RANBP9: variants seen among roughly 807,000 people sequenced by gnomAD.
RANBP9 encodes ran-binding protein 9.
RANBP9 carries 15 observed loss-of-function variants against 84.3 expected under a neutral mutation model. The ratio of observed to expected loss-of-function variants is 0.18; its 90% confidence interval spans 0.12 to 0.27. RANBP9 has a LOEUF of 0.27. Among genes scored for constraint, RANBP9 ranks in the 10% least tolerant of loss-of-function variants. RANBP9 has a pLI of 1.00. For missense variants in RANBP9, 809 were observed against 912.8 expected, an observed-to-expected ratio of 0.89 and a Z score of 1.46; for synonymous variants, 392 against 349.6, an observed-to-expected ratio of 1.12 and a Z score of -1.35.
chr6:13,632,580 C>T lies in RANBP9; in HGVS notation c.1796-59G>A, dbSNP rs141641776. ...TATGGAATGGAGTATAATGAGGACA[C>T]GAACATACATTTCTTATACCATTTT... On this transcript the variant is annotated intron_variant, in intron 11 of 13. Coordinates refer to ENST00000011619, the MANE Select transcript of RANBP9 (RefSeq NM_005493.3). The T allele has an allele frequency of 5.2e-5, 75 of 1,449,094 alleles. 1 individual carries two copies. The African/African-American group carries it at 5.8e-4, about 11-fold the overall frequency. 89.8% of individuals were successfully genotyped at this position (1,449,094 alleles called of 1,614,324 possible).
intron 6 of RANBP9, among the ~76,000 whole-genome samples, chr6:13,643,840 C>G (rs983732875): frequency 1.3e-5 from 2 of 152,098 alleles, no homozygotes; most frequent in Non-Finnish European, 2.9e-5. Flanking sequence ...GATAATAGCT[C>G]CAGGGACGAA....
chr6:13,625,630 G>T, intron 13 of RANBP9, 23 bp downstream of exon 13: 1 of 1,504,056 alleles, frequency 6.6e-7, no homozygotes, highest in Non-Finnish European at 9.2e-7. Flanking sequence ...AACTGAAATT[G>T]TGCCTTATTT....
chr6:13,677,242 C>T (rs1210858928), intron 2 of RANBP9, among the ~76,000 whole-genome samples: 1 of 152,032 alleles, frequency 6.6e-6, no homozygotes, highest in Non-Finnish European at 1.5e-5. Context: ...CACACAATAC[C>T]ACTTATATTA....
intron 2 of RANBP9, among the ~76,000 whole-genome samples, chr6:13,660,796 C>T (rs1293336731): frequency 1.3e-5 from 2 of 152,148 alleles, no homozygotes; most frequent in Non-Finnish European, 2.9e-5. Context: ...TAAGAAACAA[C>T]ACATAGATGT....
chr6:13,703,787 G>T (rs911193360), intron 1 of RANBP9, among the ~76,000 whole-genome samples: 5 of 152,334 alleles, frequency 3.3e-5, no homozygotes, highest in African/African-American at 1.2e-4. Context: ...ATTAAGACCA[G>T]TTAGAGTCCC....
In RANBP9 at chr6:13,642,515, C is replaced by T. The variant is rs756235885; in HGVS notation, c.1189G>A (p.Val397Ile). 5.0e-6 allele frequency: 8 copies of T among 1,607,452 alleles called. No homozygotes were observed. Among genetic ancestry groups the T allele is most frequent in the African/African-American group, 1.3e-5 (1 of 74,668 alleles). ...EAFARSTDQT[V>I]LEELASIKNR... Reference sequence around the variant, plus strand: ...TTAATGGAAGCTAATTCTTCTAGAACGGTCTGGTCTGTAGATCTGGCAAAG... The same window carrying T: ...TTAATGGAAGCTAATTCTTCTAGAATGGTCTGGTCTGTAGATCTGGCAAAG... Residue 397 changes from valine to isoleucine, a missense_variant, in exon 7 of 14, where the codon GTT becomes ATT. Coordinates refer to ENST00000011619, the MANE Select transcript of RANBP9 (RefSeq NM_005493.3).
intron 4 of RANBP9, among the ~76,000 whole-genome samples, chr6:13,655,199 C>T (rs149107346): frequency 2.3e-3 from 345 of 152,334 alleles, no homozygotes; most frequent in African/African-American, 7.9e-3. Flanking sequence ...AGGCTGGGCA[C>T]AGTGGCTCAC....
intron 8 of RANBP9, among the ~76,000 whole-genome samples, chr6:13,640,292 T>G (rs1020632623): frequency 6.6e-6 from 1 of 152,172 alleles, no homozygotes; most frequent in South Asian, 2.1e-4. Context: ...AACATCTCAT[T>G]TTTTAAGTAA....
At chr6:13,664,874 G>A (rs927800712) in intron 2 of RANBP9, among the ~76,000 whole-genome samples, 5 of 152,152 alleles carry the variant, frequency 3.3e-5, no homozygotes, top group Non-Finnish European at 7.4e-5. Flanking sequence ...CATAGCATGG[G>A]CTGAGTAATC....
intron 1 of RANBP9, among the ~76,000 whole-genome samples, chr6:13,709,235 G>A (rs1394709951): frequency 2.6e-5 from 4 of 152,058 alleles, no homozygotes; most frequent in Admixed American, 6.5e-5. Context: ...TAGACATCAC[G>A]GAAATTCAGA....
At chr6:13,634,791 G>GT (rs1411124620) in intron 10 of RANBP9, among the ~76,000 whole-genome samples, 1 of 152,180 alleles carries the variant, frequency 6.6e-6, no homozygotes, top group East Asian at 1.9e-4. Flanking sequence ...CTAAAATGTA[G>GT]TGGTTTTATG....
chr6:13,648,188 C>T (rs950569379), intron 5 of RANBP9, among the ~76,000 whole-genome samples: 30 of 141,798 alleles, frequency 2.1e-4, no homozygotes, highest in Non-Finnish European at 3.8e-4. Context: ...CTCACTCTGC[C>T]GCCCAGGCTG....
Position 13,694,169 on chromosome 6 carries a change from C to T in RANBP9, c.683+2616G>A, listed in dbSNP as rs140730861. Among the ~76,000 whole-genome samples, 797 of 152,296 alleles carry T rather than the reference C, an allele frequency of 5.2e-3. 4 individuals are homozygous for T. The highest frequency in any genetic ancestry group is 0.018 in the African/African-American group (752 of 41,540). ...TTAACTACAATCCAGCAATCCCACT[C>T]CTAGATACTTACTCGTGAAAAGAAA... On this transcript the variant is annotated intron_variant, in intron 2 of 13. Transcript: ENST00000011619.
chr6:13,627,806 C>G (rs540259005), intron 12 of RANBP9, among the ~76,000 whole-genome samples: 7 of 152,106 alleles, frequency 4.6e-5, no homozygotes, highest in Admixed American at 2.6e-4. Context: ...ACTTCAAGTA[C>G]AAAACTATAT....
rs781135864 is a variant in RANBP9 at position 13,681,408 on chromosome 6, A to G, written c.683+15377T>C. Among the ~76,000 whole-genome samples the G allele has an allele frequency of 6.1e-4, 93 of 152,184 alleles. 1 individual carries two copies. The highest frequency in any genetic ancestry group is 2.1e-4 in the Non-Finnish European group (14 of 68,026). On this transcript the variant is annotated intron_variant, in intron 2 of 13. Coordinates refer to ENST00000011619, the MANE Select transcript of RANBP9 (RefSeq NM_005493.3). ...AATGTATTTTACTGCACATTAATCA[A>G]TAATACATTTTAAGTGCAAAAAACC...
rs114586223 is a variant in RANBP9 at position 13,644,409 on chromosome 6, G to A, written c.1112+136C>T. On this transcript the variant is annotated intron_variant, in intron 6 of 13. Transcript: ENST00000011619. ...TGGAGTAAATTACTTTTCGTTGAGA[G>A]ATTAAAATCAATAATATAATAGATA... The A allele has an allele frequency of 1.2e-5, 10 of 827,306 alleles. No homozygotes were observed. The African/African-American group carries it at 1.6e-4, about 13-fold the overall frequency. The allele number at this position is 827,306 out of a possible 1,614,324, so 51.2% of individuals were successfully genotyped here. A position where few individuals can be genotyped will look rare whatever the true frequency, so the allele number is the denominator to read the frequency against.
chr6:13,708,864 CAA>C (rs1758200634), intron 1 of RANBP9, among the ~76,000 whole-genome samples: 1 of 151,082 alleles, frequency 6.6e-6, no homozygotes, highest in Admixed American at 6.6e-5. Context: ...AGTAACAAGA[CAA>C]GAGGAAGAGG....
At chr6:13,624,016 T>C (rs1035003944) in intron 13 of RANBP9, among the ~76,000 whole-genome samples, 2 of 152,206 alleles carry the variant, frequency 1.3e-5, no homozygotes, top group African/African-American at 4.8e-5. Flanking sequence ...ACATTTATAG[T>C]AAACCATAAT....
intron 5 of RANBP9, among the ~76,000 whole-genome samples, chr6:13,649,555 A>C (rs1765248747): frequency 6.6e-6 from 1 of 152,052 alleles, no homozygotes; most frequent in East Asian, 1.9e-4. Flanking sequence ...TTAAAGACCA[A>C]ATCAACCCAC....
Sources: gnomAD v4.1 joint callset for allele counts (sites outside exome capture counted in the v4.1 genomes callset) on GRCh38, gnomAD v4.1.1 for gene constraint, MANE v1.5 for transcripts, NCBI Gene and HGNC (gene_info 2026-07-23, HGNC 2026-07-21) for gene names.